Variants in CENPP observed in about 807,000 individuals in gnomAD.
CENPP encodes the protein centromere protein P.
In CENPP, 24 loss-of-function variants were observed where a neutral mutation model predicts 35.6. The observed-to-expected ratio is 0.67, with a 90% CI of 0.49 to 0.95. The LOEUF (loss-of-function observed/expected upper bound fraction) is 0.95. Ranked by LOEUF, CENPP falls within the 40% of genes least tolerant of loss-of-function variation. The pLI is 0.00. For missense variants in CENPP, 332 were observed against 345.3 expected, an observed-to-expected ratio of 0.96 and a Z score of 0.31; for synonymous variants, 120 against 125.5, an observed-to-expected ratio of 0.96 and a Z score of 0.29.
In CENPP at chr9:92,415,334, A is replaced by G. The variant is rs1477102258; in HGVS notation, c.564+35475A>G. The stretch of plus-strand genomic sequence containing the variant: ...CCATTAGTGCTTCGTTGTTCACCAT[A>G]ATAAATAGTGTGTATATGAGGGAAG... On this transcript the variant is annotated intron_variant, in intron 5 of 7. Coordinates refer to ENST00000375587, the MANE Select transcript of CENPP (RefSeq NM_001012267.3). 6.2e-7 allele frequency: 1 copy of G among 1,613,572 alleles called. No individual in the cohort carries two copies. The highest frequency in any genetic ancestry group is 1.3e-5 in the African/African-American group (1 of 74,914).
chr9:92,336,612 A>G (rs1564264864), intron 2 of CENPP, among the ~76,000 whole-genome samples: 3 of 152,094 alleles, frequency 2.0e-5, no homozygotes. Flanking sequence ...AAGTAACGTC[A>G]TTAGCAAAAC....
chr9:92,557,230 C>A (rs1462941910), intron 5 of CENPP, among the ~76,000 whole-genome samples: 1 of 152,282 alleles, frequency 6.6e-6, no homozygotes, highest in South Asian at 2.1e-4. Context: ...TTACCTGGTG[C>A]TTCTGTCTCA....
intron 5 of CENPP, among the ~76,000 whole-genome samples, chr9:92,395,018 CT>C (rs537929107): frequency 1.3e-5 from 2 of 151,936 alleles, no homozygotes; most frequent in Admixed American, 6.6e-5. Flanking sequence ...CCCTTTCAAG[CT>C]TTTTTTTCCT....
Position 92,615,657 on chromosome 9 carries a change from C to G in CENPP, c.*2508C>G. On this transcript the variant is annotated 3_prime_UTR_variant, in exon 8 of 8. Coordinates refer to ENST00000375587, the MANE Select transcript of CENPP (RefSeq NM_001012267.3). ...AGCACTCACTTCCTACATTCCTTGT[C>G]CAGGAAGTTGTTTCTAGTGCTCTTC... The G allele has an allele frequency of 1.7e-6, 1 of 584,680 alleles. No homozygotes were observed. Among genetic ancestry groups the G allele is most frequent in the South Asian group, 2.0e-5 (1 of 50,004 alleles). 36.2% of individuals were successfully genotyped at this position (584,680 alleles called of 1,614,324 possible).
At chr9:92,344,939 C>T (rs78392078) in intron 3 of CENPP, among the ~76,000 whole-genome samples, 9,181 of 151,246 alleles carry the variant, frequency 0.061, 395 homozygotes, top group Admixed American at 0.12. Flanking sequence ...GAGGCAGAGA[C>T]GGGGGGATCA....
At chr9:92,608,206 A>G (rs1161993502) in intron 5 of CENPP, among the ~76,000 whole-genome samples, 1 of 152,194 alleles carries the variant, frequency 6.6e-6, no homozygotes, top group Non-Finnish European at 1.5e-5. Flanking sequence ...AAGGTGCACT[A>G]GGGAGAGCCA....
intron 6 of CENPP, among the ~76,000 whole-genome samples, chr9:92,611,623 C>T (rs1851254892): frequency 6.6e-6 from 1 of 152,036 alleles, no homozygotes; most frequent in African/African-American, 2.4e-5. Context: ...CTGGGGCCCA[C>T]CCCAGGACTT....
At chr9:92,396,626 T>C (rs1842902981) in intron 5 of CENPP, among the ~76,000 whole-genome samples, 1 of 151,620 alleles carries the variant, frequency 6.6e-6, no homozygotes, top group African/African-American at 2.4e-5. Context: ...TACAGTCGCA[T>C]GATCATGGTT....
At chr9:92,515,423 A>G (rs1847642147) in intron 5 of CENPP, among the ~76,000 whole-genome samples, 1 of 152,208 alleles carries the variant, frequency 6.6e-6, no homozygotes, top group Non-Finnish European at 1.5e-5. Context: ...GTGGGCCTTA[A>G]TACTAATTTT....
At chr9:92,510,116 G>A in intron 5 of CENPP, 12 of 1,472,138 alleles carry the variant, frequency 8.2e-6, no homozygotes, top group Non-Finnish European at 1.1e-5. Context: ...GTGACTAAAA[G>A]TCTCACAAAC....
chr9:92,384,706 A>G (rs1039924647), intron 5 of CENPP: 8 of 152,128 alleles, frequency 5.3e-5, no homozygotes, highest in Non-Finnish European at 1.2e-4. Context: ...GGTAGTGTGC[A>G]CTGGCACCAC....
At chr9:92,522,522 C>A in intron 5 of CENPP, 1 of 1,470,108 alleles carries the variant, frequency 6.8e-7, no homozygotes, top group East Asian at 2.4e-5. Context: ...TTTCCCCATA[C>A]CATCTCTCAC....
At position 92,437,490 on chromosome 9, in the gene CENPP, G is replaced by A. The variant is rs146434141; in HGVS notation, c.564+57631G>A. On this transcript the variant is annotated intron_variant, in intron 5 of 7. Coordinates refer to ENST00000375587, the MANE Select transcript of CENPP (RefSeq NM_001012267.3). ...AGTAGTAGGTTCTTGGTTCACTGAA[G>A]CTTCTGCCTCCTGGGCTCAAGTAAT... Among the ~76,000 whole-genome samples, 523 of 146,178 alleles carry A rather than the reference G, an allele frequency of 3.6e-3. 5 individuals are homozygous for A. The highest frequency in any genetic ancestry group is 4.5e-3 in the Non-Finnish European group (297 of 66,470).
At position 92,616,085 on chromosome 9, in the gene CENPP, T is replaced by C. The variant is rs1851421698; in HGVS notation, c.*2936T>C. On this transcript the variant is annotated 3_prime_UTR_variant, in exon 8 of 8. Transcript: ENST00000375587. ...GCAAGTAAAAAGTACCATTTCAGGA[T>C]ACACAAGCCCCCCATTCATTTCCCT... 2.0e-6 allele frequency: 3 copies of C among 1,499,638 alleles called. No homozygotes were observed. Among genetic ancestry groups the C allele is most frequent in the East Asian group, 4.6e-5 (2 of 43,720 alleles). 92.9% of individuals were successfully genotyped at this position (1,499,638 alleles called of 1,614,324 possible). A position where few individuals can be genotyped will look rare whatever the true frequency, so the allele number is the denominator to read the frequency against.
At chr9:92,409,737 A>C (rs1399702768) in intron 5 of CENPP, among the ~76,000 whole-genome samples, 1 of 152,232 alleles carries the variant, frequency 6.6e-6, no homozygotes, top group African/African-American at 2.4e-5. Context: ...ACATAACTAA[A>C]TACTTGGTAG....
chr9:92,394,151 T>A (rs1184907351), intron 5 of CENPP, among the ~76,000 whole-genome samples: 1 of 152,164 alleles, frequency 6.6e-6, no homozygotes, highest in Non-Finnish European at 1.5e-5. Context: ...TCTAATTCCA[T>A]CATTCCTTCT....
chr9:92,595,271 T>A (rs996399168), intron 5 of CENPP, among the ~76,000 whole-genome samples: 5 of 152,142 alleles, frequency 3.3e-5, no homozygotes, highest in Non-Finnish European at 2.9e-5. Flanking sequence ...AGATAAGATC[T>A]CACTCTCTCA....
chr9:92,595,031 G>T (rs1468733359), intron 5 of CENPP, among the ~76,000 whole-genome samples: 1 of 151,624 alleles, frequency 6.6e-6, no homozygotes, highest in Non-Finnish European at 1.5e-5. Flanking sequence ...CGAGTAGCTG[G>T]GATTATAGGC....
At chr9:92,376,539 C>T (rs1842128151) in intron 4 of CENPP, among the ~76,000 whole-genome samples, 1 of 152,170 alleles carries the variant, frequency 6.6e-6, no homozygotes, top group African/African-American at 2.4e-5. Flanking sequence ...GCCGCTTCCA[C>T]AGTCAAATGC....
Sources: allele counts gnomAD v4.1 joint callset (sites outside exome capture counted in the v4.1 genomes callset), GRCh38; gene constraint gnomAD v4.1.1; transcripts MANE v1.5; gene names NCBI Gene and HGNC (gene_info 2026-07-23, HGNC 2026-07-21).